MARCHF7: variants seen among roughly 807,000 people sequenced by gnomAD.
The protein encoded by MARCHF7 is membrane associated ring-CH-type finger 7.
Under a neutral mutation model 76.5 loss-of-function variants are expected in MARCHF7, and 20 were observed. The observed-to-expected ratio is 0.26, with a 90% CI of 0.18 to 0.38. The LOEUF is 0.38. MARCHF7 is among the 10% of genes least tolerant of loss of function. The pLI is 1.00. For missense variants in MARCHF7, 797 were observed against 812.9 expected (o/e 0.98, Z 0.24); for synonymous variants, 295 against 293.0 (o/e 1.01, Z -0.07).
rs1705176254 is a variant in MARCHF7 at position 159,748,505 on chromosome 2, A to G, written c.1215A>G (p.Gly405=). ...TPLFSRRRRE[G]RDESSRIPTS... ...TGTTCTCTAGAAGGAGGCGAGAGGGAAGAGATGAATCTTCAAGGATACCTA... is the reference window on the plus strand; with the variant it reads ...TGTTCTCTAGAAGGAGGCGAGAGGGGAGAGATGAATCTTCAAGGATACCTA... Residue 405 remains glycine (G), a synonymous_variant, in exon 7 of 12, where the codon GGA becomes GGG. Coordinates refer to ENST00000409175, the MANE Select transcript of MARCHF7 (RefSeq NM_001282805.2). 6.2e-7 allele frequency: 1 copy of G among 1,614,026 alleles called. No individual in the cohort carries two copies. Among genetic ancestry groups the G allele is most frequent in the Non-Finnish European group, 8.5e-7 (1 of 1,179,998 alleles).
intron 3 of MARCHF7, among the ~76,000 whole-genome samples, chr2:159,717,067 G>A (rs1701119202): frequency 6.6e-6 from 1 of 152,206 alleles, no homozygotes; most frequent in Non-Finnish European, 1.5e-5. Context: ...ATGTTTGGCA[G>A]CTAGTGTTGG....
rs959528440 is a variant in MARCHF7 at position 159,748,294 on chromosome 2, A to C, written c.1004A>C (p.Glu335Ala). Residue 335 changes from glutamate to alanine, a missense_variant, in exon 7 of 12, where the codon GAA (glutamate) becomes GCA (alanine). Glu to Ala is a moderately radical substitution (Grantham distance 107). Transcript: ENST00000409175. ...CGTAGTAATGTACCATCAGCTTCTGAAGTTCCCGATAATAGGGCATCTGAA... is the reference window on the plus strand; with the variant it reads ...CGTAGTAATGTACCATCAGCTTCTGCAGTTCCCGATAATAGGGCATCTGAA... ...QSRSNVPSAS[E>A]VPDNRASEAS... The C allele has an allele frequency of 1.2e-6, 2 of 1,613,192 alleles. No homozygotes were observed. Among genetic ancestry groups the C allele is most frequent in the African/African-American group, 2.7e-5 (2 of 74,832 alleles).
intron 4 of MARCHF7, among the ~76,000 whole-genome samples, chr2:159,730,568 C>T (rs145297398): frequency 9.9e-5 from 15 of 152,242 alleles, no homozygotes; most frequent in East Asian, 1.9e-4. Flanking sequence ...TGCAGCTCAG[C>T]GGAACCTAGT....
intron 3 of MARCHF7, among the ~76,000 whole-genome samples, chr2:159,728,785 T>G (rs1702450685): frequency 6.6e-6 from 1 of 152,182 alleles, no homozygotes; most frequent in Non-Finnish European, 1.5e-5. Flanking sequence ...AGTTCTTCAT[T>G]CCACTTTTAC....
At chr2:159,750,758 G>A (rs6432560) in intron 7 of MARCHF7, among the ~76,000 whole-genome samples, 4 of 151,542 alleles carry the variant, frequency 2.6e-5, no homozygotes, top group Non-Finnish European at 5.9e-5. Context: ...AAATACACTT[G>A]GAGGAAGAAA....
At position 159,752,458 on chromosome 2, in the gene MARCHF7, T is replaced by C; in HGVS notation, c.1670T>C (p.Met557Thr). The stretch of plus-strand genomic sequence containing the variant: ...GGTGACTTATGTAGAATTTGTCAAA[T>C]GGCAGCTGCATCATCATCTAATTTG... Reference protein sequence around the residue: ...EEGDLCRICQMAAASSSNLLI... With the variant: ...EEGDLCRICQTAAASSSNLLI... Residue 557 changes from methionine to threonine, a missense_variant, in exon 8 of 12, where the codon ATG becomes ACG. By Grantham distance (81) the Met-to-Thr change is moderately conservative. Around this residue, in one of 3 missense-constraint regions of MARCHF7, gnomAD observed 30 missense variants for 60.1 expected, o/e 0.50. Transcript: ENST00000409175. 6.2e-7 allele frequency: 1 copy of C among 1,605,614 alleles called. No homozygotes were observed. Among genetic ancestry groups the C allele is most frequent in the Non-Finnish European group, 8.5e-7 (1 of 1,176,892 alleles).
At chr2:159,715,625 C>T (rs1019304112) in intron 2 of MARCHF7, 56 bp from the exon 3 acceptor site, 2 of 152,154 alleles carry the variant, frequency 1.3e-5, no homozygotes, top group African/African-American at 2.4e-5. Flanking sequence ...TGATTACAGG[C>T]CTGAGTGTGA....
chr2:159,751,514 A>G (rs1705643209), intron 7 of MARCHF7, among the ~76,000 whole-genome samples: 1 of 152,186 alleles, frequency 6.6e-6, no homozygotes. Context: ...TGTCTGATTA[A>G]CCCAGGGCAT....
chr2:159,756,677 C>T (rs1706341264), intron 8 of MARCHF7, among the ~76,000 whole-genome samples: 1 of 90,782 alleles, frequency 1.1e-5, no homozygotes, highest in African/African-American at 4.8e-5. Flanking sequence ...ACAAGAGTGA[C>T]ACTCAGTCTC....
rs746978934 is a variant in MARCHF7, at chr2:159,748,543, C to T, written c.1253C>T (p.Ser418Leu). 7.4e-6 allele frequency: 12 copies of T among 1,614,060 alleles called. No individual in the cohort carries two copies. The highest frequency in any genetic ancestry group is 1.0e-5 in the Non-Finnish European group (12 of 1,180,032). Residue 418 changes from serine (S) to leucine (L), a missense_variant, in exon 7 of 12, where the codon TCA becomes TTA. Ser to Leu is a moderately radical substitution (Grantham distance 145). Transcript: ENST00000409175. ...TCAAGGATACCTACCTCTGATACATCATCTAGATCTCATATTTTTAGAAGA... is the reference window on the plus strand; with the variant it reads ...TCAAGGATACCTACCTCTGATACATTATCTAGATCTCATATTTTTAGAAGA... The part of the protein sequence containing the change: ...ESSRIPTSDT[S>L]SRSHIFRRES...
intron 6 of MARCHF7, 42 bp from the exon 7 acceptor site, chr2:159,747,763 C>G (rs1705083001): frequency 6.6e-7 from 1 of 1,514,020 alleles, no homozygotes; most frequent in Non-Finnish European, 8.8e-7. Context: ...TAATAATGCT[C>G]AAATTATTTC....
intron 4 of MARCHF7, among the ~76,000 whole-genome samples, chr2:159,737,804 G>C (rs1703639942): frequency 1.3e-5 from 2 of 152,158 alleles, no homozygotes; most frequent in Non-Finnish European, 2.9e-5. Flanking sequence ...TAAAAAAAAA[G>C]ATGGACAATC....
At position 159,748,321 on chromosome 2, in the gene MARCHF7, C is replaced by T; in HGVS notation, c.1031C>T (p.Ala344Val). Residue 344 changes from alanine to valine, a missense_variant, in exon 7 of 12, where the codon GCT (alanine) becomes GTT (valine). By Grantham distance (64) the Ala-to-Val change is moderately conservative. Coordinates refer to ENST00000409175, the MANE Select transcript of MARCHF7 (RefSeq NM_001282805.2). ...GTTCCCGATAATAGGGCATCTGAAG[C>T]TTCTCAGGGATTTCGATTTCTTAGG... ...SEVPDNRASE[A>V]SQGFRFLRRR... The T allele has an allele frequency of 6.2e-7, 1 of 1,613,492 alleles. No homozygotes were observed. Among genetic ancestry groups the T allele is most frequent in the Non-Finnish European group, 8.5e-7 (1 of 1,179,938 alleles).
intron 4 of MARCHF7, 105 bp from the exon 5 acceptor site, chr2:159,742,956 G>A (rs778212416): frequency 1.5e-5 from 15 of 1,016,554 alleles, no homozygotes; most frequent in East Asian, 5.0e-5. Flanking sequence ...AAAGAACTAC[G>A]TGGTAGAAAA....
At chr2:159,728,575 A>C (rs1420941818) in intron 3 of MARCHF7, among the ~76,000 whole-genome samples, 2 of 152,214 alleles carry the variant, frequency 1.3e-5, no homozygotes, top group Non-Finnish European at 2.9e-5. Flanking sequence ...TGGGTGGGGA[A>C]TGTATAGACT....
chr2:159,740,721 A>G (rs1221457548), intron 4 of MARCHF7, among the ~76,000 whole-genome samples: 2 of 152,226 alleles, frequency 1.3e-5, no homozygotes, highest in Non-Finnish European at 2.9e-5. Flanking sequence ...AAATGCCATT[A>G]TCAATTTACA....
chr2:159,713,141 G>C (rs1224988379), intron 1 of MARCHF7, among the ~76,000 whole-genome samples: 2 of 152,216 alleles, frequency 1.3e-5, no homozygotes, highest in Non-Finnish European at 2.9e-5. Flanking sequence ...TGTCTTATTG[G>C]TAACGTCAGT....
rs1190947820 is a variant in MARCHF7, at chr2:159,769,887, C to T, written c.*2545C>T. 1 of 152,184 alleles carries T rather than the reference C, an allele frequency of 6.6e-6. No individual in the cohort carries two copies. Among genetic ancestry groups the T allele is most frequent in the Non-Finnish European group, 1.5e-5 (1 of 68,018 alleles). The allele number at this position is 152,184 out of a possible 1,614,324, so 9.4% of individuals were successfully genotyped here. A position where few individuals can be genotyped will look rare whatever the true frequency, so the allele number is the denominator to read the frequency against. ...GTTCTATAATGTATGTTGCCCAGTACAGTAGCCACTAACCACCTGTGATTT... is the reference window on the plus strand; with the variant it reads ...GTTCTATAATGTATGTTGCCCAGTATAGTAGCCACTAACCACCTGTGATTT... On this transcript the variant is annotated 3_prime_UTR_variant, in exon 12 of 12. Coordinates refer to ENST00000409175, the MANE Select transcript of MARCHF7 (RefSeq NM_001282805.2).
At chr2:159,714,221 TATA>T (rs1700746457) in intron 1 of MARCHF7, among the ~76,000 whole-genome samples, 1 of 152,256 alleles carries the variant, frequency 6.6e-6, no homozygotes, top group African/African-American at 2.4e-5. Flanking sequence ...AAAATAATTT[TATA>T]ATGCAAAATC....
Sources: allele counts gnomAD v4.1 joint callset (sites outside exome capture counted in the v4.1 genomes callset), GRCh38; gene constraint gnomAD v4.1.1; regional missense constraint gnomAD v4.1.1; transcripts MANE v1.5; gene names NCBI Gene and HGNC (gene_info 2026-07-23, HGNC 2026-07-21).